The following ARHGAP6 variants were observed in gnomAD, a reference collection of about 807,000 sequenced individuals.
ARHGAP6 encodes rho GTPase-activating protein 6.
ARHGAP6 carries 16 observed loss-of-function variants against 55.7 expected under a neutral mutation model. That is an observed-to-expected ratio of 0.29 (90% CI 0.19 to 0.44). ARHGAP6 has a LOEUF of 0.44. Among genes scored for constraint, ARHGAP6 ranks in the 20% least tolerant of loss-of-function variants. ARHGAP6 has a pLI of 1.00. For synonymous variants in ARHGAP6, 382 were observed against 360.9 expected (o/e 1.06, Z -0.66); for missense variants, 698 against 808.9 (o/e 0.86, Z 1.66).
intron 1 of ARHGAP6, among the ~76,000 whole-genome samples, chrX:11,277,751 A>G (rs1444491680): frequency 2.7e-5 from 3 of 110,512 alleles, no homozygotes; most frequent in African/African-American, 9.9e-5. Context: ...CACAAAGAGT[A>G]GATTAACTAA....
intron 1 of ARHGAP6, among the ~76,000 whole-genome samples, chrX:11,499,799 C>A (rs1266005421): frequency 2.7e-5 from 3 of 111,743 alleles, no homozygotes; most frequent in Non-Finnish European, 5.6e-5. Flanking sequence ...GAGGAAGCAG[C>A]GGCATGGAGG....
intron 2 of ARHGAP6, among the ~76,000 whole-genome samples, chrX:11,226,956 T>C (rs771634377): frequency 2.7e-5 from 3 of 112,401 alleles, no homozygotes; most frequent in Admixed American, 9.4e-5. Flanking sequence ...TGCTGTCATA[T>C]AGCATATTAG....
chrX:11,306,722 G>T (rs1345597259), intron 1 of ARHGAP6, among the ~76,000 whole-genome samples: 2 of 112,306 alleles, frequency 1.8e-5, no homozygotes, highest in East Asian at 5.6e-4. Flanking sequence ...ACAATCTATA[G>T]CTATTTTTAA....
chrX:11,209,164 C>T (rs187871430), intron 2 of ARHGAP6, among the ~76,000 whole-genome samples: 182 of 112,234 alleles, frequency 1.6e-3, no homozygotes, highest in African/African-American at 5.0e-3. Context: ...TTATTTGAGA[C>T]AGAGTCTCAC....
chrX:11,256,287 G>A lies in ARHGAP6; in HGVS notation c.589-1580C>T, dbSNP rs113986735. On this transcript the variant is annotated intron_variant, in intron 1 of 12. Coordinates refer to ENST00000337414, the MANE Select transcript of ARHGAP6 (RefSeq NM_013427.3). The stretch of plus-strand genomic sequence containing the variant: ...GCCTGTAGTCCCAGCTACTTGGGAG[G>A]CCGAGGCAGGAGAATCGCTTGAACC... Among the ~76,000 whole-genome samples, 28 of 112,185 alleles carry A rather than the reference G, an allele frequency of 2.5e-4. 1 individual carries two copies. Among genetic ancestry groups the A allele is most frequent in the African/African-American group, 6.8e-4 (21 of 30,935 alleles).
intron 2 of ARHGAP6, among the ~76,000 whole-genome samples, chrX:11,217,400 C>A: frequency 8.9e-6 from 1 of 111,853 alleles, no homozygotes; most frequent in Non-Finnish European, 1.9e-5. Flanking sequence ...TTTTAATGAT[C>A]AGTATTCTAA....
Position 11,660,550 on chromosome X carries a change from A to C in ARHGAP6, c.588+3691T>G, listed in dbSNP as rs1159431406. On this transcript the variant is annotated intron_variant, in intron 1 of 12. Transcript: ENST00000337414. Reference sequence around the variant, plus strand: ...TCTCTCAAAAAAAAAAAAAAAAAAAAAAAAAAAAAAAAAAAAAAAAAAAAA... The same window carrying C: ...TCTCTCAAAAAAAAAAAAAAAAAAACAAAAAAAAAAAAAAAAAAAAAAAAA... Among the ~76,000 whole-genome samples the C allele has an allele frequency of 1.5e-3, 91 of 62,248 alleles. 1 individual carries two copies. Among genetic ancestry groups the C allele is most frequent in the African/African-American group, 4.6e-3 (86 of 18,706 alleles). 54.1% of individuals were successfully genotyped at this position (62,248 alleles called of 115,157 possible).
intron 1 of ARHGAP6, among the ~76,000 whole-genome samples, chrX:11,450,053 C>T (rs1413994140): frequency 1.8e-5 from 2 of 111,286 alleles, no homozygotes; most frequent in Non-Finnish European, 3.8e-5. Context: ...CCAGAACAGC[C>T]CCTAGATACC....
chrX:11,277,228 A>C (rs2047784157), intron 1 of ARHGAP6, among the ~76,000 whole-genome samples: 1 of 111,986 alleles, frequency 8.9e-6, no homozygotes, highest in Non-Finnish European at 1.9e-5. Flanking sequence ...TTCTTATGGC[A>C]GGATAATATT....
At chrX:11,612,678 G>A (rs1391403327) in intron 1 of ARHGAP6, among the ~76,000 whole-genome samples, 1 of 112,296 alleles carries the variant, frequency 8.9e-6, no homozygotes, top group Non-Finnish European at 1.9e-5. Flanking sequence ...TTGTTTATAA[G>A]CCACCCAGTC....
chrX:11,485,037 C>CAAA (rs375351477), intron 1 of ARHGAP6, among the ~76,000 whole-genome samples: 1 of 105,547 alleles, frequency 9.5e-6, no homozygotes, highest in Non-Finnish European at 2.0e-5. Flanking sequence ...ACAACAACAA[C>CAAA]AAAAAAAAAA....
intron 2 of ARHGAP6, among the ~76,000 whole-genome samples, chrX:11,230,896 G>A (rs1183684550): frequency 9.1e-6 from 1 of 110,381 alleles, no homozygotes; most frequent in African/African-American, 3.3e-5. Flanking sequence ...CCCCACCAGA[G>A]TGGTGCCTTT....
intron 1 of ARHGAP6, among the ~76,000 whole-genome samples, chrX:11,536,367 GA>G (rs1217842803): frequency 8.9e-6 from 1 of 112,115 alleles, no homozygotes; most frequent in Admixed American, 9.4e-5. Flanking sequence ...CGTTGGGTGG[GA>G]TAACTCTGAG....
chrX:11,388,301 C>T (rs1232848550), intron 1 of ARHGAP6, among the ~76,000 whole-genome samples: 1 of 111,877 alleles, frequency 8.9e-6, no homozygotes, highest in East Asian at 2.8e-4. Flanking sequence ...TCTCTGATGG[C>T]CAGTGATGAT....
chrX:11,567,566 A>AAAAAAAAAAAAAAATATATAT lies in ARHGAP6; in HGVS notation c.588+96674_588+96675insATATATATTTTTTTTTTTTTT, dbSNP rs1440758737. Reference sequence around the variant, plus strand: ...GAGACTCCATCTCAAAAAAAAAAAAAATATATATATATATTTGCCTCAGAG... The same window carrying AAAAAAAAAAAAAAATATATAT: ...GAGACTCCATCTCAAAAAAAAAAAAAAAAAAAAAAAAAAATATATATATATATATATATATTTGCCTCAGAG... On this transcript the variant is annotated intron_variant, in intron 1 of 12. Transcript: ENST00000337414. Among the ~76,000 whole-genome samples, 163 of 84,335 alleles carry AAAAAAAAAAAAAAATATATAT rather than the reference A, an allele frequency of 1.9e-3. 1 individual carries two copies. Among genetic ancestry groups the AAAAAAAAAAAAAAATATATAT allele is most frequent in the African/African-American group, 7.0e-3 (148 of 21,051 alleles). The allele number at this position is 84,335 out of a possible 115,157, so 73.2% of individuals were successfully genotyped here. A position where few individuals can be genotyped will look rare whatever the true frequency, so the allele number is the denominator to read the frequency against.
At chrX:11,555,962 C>T (rs773903668) in intron 1 of ARHGAP6, among the ~76,000 whole-genome samples, 4 of 110,994 alleles carry the variant, frequency 3.6e-5, no homozygotes, top group South Asian at 7.8e-4. Context: ...GCTGATGAAA[C>T]GGAAGTTCAC....
intron 1 of ARHGAP6, among the ~76,000 whole-genome samples, chrX:11,312,619 G>A (rs2048313689): frequency 9.0e-6 from 1 of 111,389 alleles, no homozygotes. Context: ...CTTTAGAGGT[G>A]TTTACAAAGC....
At chrX:11,551,419 A>G (rs973624237) in intron 1 of ARHGAP6, among the ~76,000 whole-genome samples, 8 of 111,680 alleles carry the variant, frequency 7.2e-5, no homozygotes, top group Admixed American at 6.7e-4. Flanking sequence ...TAAAGAGTCA[A>G]AGTTAAACAT....
intron 12 of ARHGAP6, among the ~76,000 whole-genome samples, chrX:11,140,626 T>TTCCCTCCCCTCACACAC (rs2045608744): frequency 9.2e-6 from 1 of 108,801 alleles, no homozygotes; most frequent in Non-Finnish European, 1.9e-5. Flanking sequence ...GAAGACAGCA[T>TTCCCTCCCCTCACACAC]TCCCTCCCCT....
Sources: allele counts gnomAD v4.1 joint callset (sites outside exome capture counted in the v4.1 genomes callset), GRCh38; gene constraint gnomAD v4.1.1; transcripts MANE v1.5; gene names NCBI Gene and HGNC (gene_info 2026-07-23, HGNC 2026-07-21).